Variants in TIA1 observed in about 807,000 individuals in gnomAD.
TIA1 encodes cytotoxic granule associated RNA binding protein TIA1.
TIA1 carries 23 observed loss-of-function variants against 65.9 expected under a neutral mutation model. That is an observed-to-expected ratio of 0.35 (90% CI 0.25 to 0.49). TIA1 has a LOEUF of 0.49. TIA1 is among the 20% of genes least tolerant of loss of function. The pLI, the probability that TIA1 is intolerant of heterozygous loss-of-function variation, is 0.98. For missense variants in TIA1, 371 were observed against 477.9 expected (o/e 0.78, Z 2.09); for synonymous variants, 147 against 149.4 (o/e 0.98, Z 0.12).
At chr2:70,212,953 T>G in intron 12 of TIA1, 108 bp from the exon 13 acceptor site, 1 of 730,328 alleles carries the variant, frequency 1.4e-6, no homozygotes, top group South Asian at 1.7e-5. Context: ...GGAAACATAC[T>G]TTTTCTTAAT....
At chr2:70,241,801 G>A (rs1691888196) in intron 1 of TIA1, among the ~76,000 whole-genome samples, 2 of 151,972 alleles carry the variant, frequency 1.3e-5, no homozygotes, top group African/African-American at 4.8e-5. Flanking sequence ...AAAATTAGCT[G>A]GGTGTGGTGG....
chr2:70,230,085 T>G (rs111327826), intron 3 of TIA1, among the ~76,000 whole-genome samples: 110 of 150,852 alleles, frequency 7.3e-4, no homozygotes, highest in African/African-American at 2.7e-3. Context: ...CTACTAAAAA[T>G]ACAAAAAATT....
intron 7 of TIA1, 57 bp downstream of exon 7, chr2:70,224,497 G>T (rs1180617715): frequency 6.2e-7 from 1 of 1,605,742 alleles, no homozygotes; most frequent in Middle Eastern, 1.7e-4. Context: ...AATTAAAACG[G>T]AGTGTTTCCA....
chr2:70,219,738 C>CT (rs1165514822), intron 7 of TIA1, among the ~76,000 whole-genome samples: 47,928 of 105,848 alleles, frequency 0.45, 12,830 homozygotes, highest in African/African-American at 0.74. Context: ...GGTCGCCAGG[C>CT]TTTTTTTTTT....
At chr2:70,248,789 C>T, upstream of TIA1, 1 of 375,320 alleles carries the variant, frequency 2.7e-6, no homozygotes. Context: ...CCTCAGACTG[C>T]GCAGGCGCAA....
At position 70,248,548 on chromosome 2, in the gene TIA1, C is replaced by G. The variant is rs141564047; in HGVS notation, c.-118G>C. The G allele has an allele frequency of 1.4e-6, 2 of 1,463,030 alleles. No homozygotes were observed. The highest frequency in any genetic ancestry group is 1.4e-5 in the African/African-American group (1 of 71,670). 90.6% of individuals were successfully genotyped at this position (1,463,030 alleles called of 1,614,324 possible). On this transcript the variant is annotated 5_prime_UTR_variant, in exon 1 of 13. Coordinates refer to ENST00000433529, the MANE Select transcript of TIA1 (RefSeq NM_022173.4). ...GGGTTTCTCGGCTGACCAGAGGTTA[C>G]TCCGCCTCCTCCTCCGGCGGCAATT...
At position 70,248,627 on chromosome 2, in the gene TIA1, G is replaced by A. The variant is rs1434643661; in HGVS notation, c.-197C>T. On this transcript the variant is annotated 5_prime_UTR_variant, in exon 1 of 13. Coordinates refer to ENST00000433529, the MANE Select transcript of TIA1 (RefSeq NM_022173.4). ...AATGAAACCCCAATACAAGATGGCG[G>A]CGAGCCGGGAGCCTAGGAGCAGCCA... 1.5e-5 allele frequency: 11 copies of A among 724,794 alleles called. No individual in the cohort carries two copies. The East Asian group carries it at 2.5e-4, about 17-fold the overall frequency. The allele number at this position is 724,794 out of a possible 1,614,324, so 44.9% of individuals were successfully genotyped here. A position where few individuals can be genotyped will look rare whatever the true frequency, so the allele number is the denominator to read the frequency against.
In TIA1 at chr2:70,222,527, G is replaced by A. The variant is rs1006527912; in HGVS notation, c.474+2027C>T. On this transcript the variant is annotated intron_variant, in intron 7 of 12. Transcript: ENST00000433529. The stretch of plus-strand genomic sequence containing the variant: ...GAGGCTGGGGGTAATTGCAATCAGG[G>A]CTGTAGCACTGCGTAACAGAGCCAA... Among the ~76,000 whole-genome samples, 4 of 152,134 alleles carry A rather than the reference G, an allele frequency of 2.6e-5. No homozygotes were observed. In the East Asian group the frequency reaches 7.7e-4, roughly 29 times the overall value.
chr2:70,234,626 A>G lies in TIA1; in HGVS notation c.123+1453T>C, dbSNP rs574907051. Among the ~76,000 whole-genome samples, 9 of 152,286 alleles carry G rather than the reference A, an allele frequency of 5.9e-5. No homozygotes were observed. In the South Asian group the frequency reaches 1.9e-3, roughly 32 times the overall value. On this transcript the variant is annotated intron_variant, in intron 2 of 12. Coordinates refer to ENST00000433529, the MANE Select transcript of TIA1 (RefSeq NM_022173.4). ...GCCCAGGCTGGAGTGCAATGGTGCA[A>G]TCTCGGCTCACTGCAACCTTCGCCT...
Position 70,248,535 on chromosome 2 carries a change from TGAC to T in TIA1, c.-108_-106del. Reference sequence around the variant, plus strand: ...CTACAGGATAGTGGGGTTTCTCGGCTGACCAGAGGTTACTCCGCCTCCTCCTCC... The same window carrying T: ...CTACAGGATAGTGGGGTTTCTCGGCTCAGAGGTTACTCCGCCTCCTCCTCC... On this transcript the variant is annotated 5_prime_UTR_variant, in exon 1 of 13. Coordinates refer to ENST00000433529, the MANE Select transcript of TIA1 (RefSeq NM_022173.4). 1 of 1,551,390 alleles carries T rather than the reference TGAC, an allele frequency of 6.4e-7. No individual in the cohort carries two copies. The highest frequency in any genetic ancestry group is 8.8e-7 in the Non-Finnish European group (1 of 1,142,172).
rs541213445 is a variant in TIA1, at chr2:70,224,945, T to C, written c.399-316A>G. ...CTCACATGAACTACTTAACCACTTA[T>C]AAAGTTCACAGGACATTAGATGAAT... On this transcript the variant is annotated intron_variant, in intron 6 of 12. Coordinates refer to ENST00000433529, the MANE Select transcript of TIA1 (RefSeq NM_022173.4). 2,713 of 1,082,308 alleles carry C rather than the reference T, an allele frequency of 2.5e-3. 7 individuals carry two copies. Among genetic ancestry groups the C allele is most frequent in the Middle Eastern group, 0.017 (40 of 2,322 alleles). 67.0% of individuals were successfully genotyped at this position (1,082,308 alleles called of 1,614,324 possible).
intron 7 of TIA1, among the ~76,000 whole-genome samples, chr2:70,222,557 G>T (rs183740179): frequency 6.6e-6 from 1 of 152,140 alleles, no homozygotes; most frequent in African/African-American, 2.4e-5. Context: ...AGCCAAGCAC[G>T]TATCACAAAT....
intron 7 of TIA1, among the ~76,000 whole-genome samples, chr2:70,224,100 T>C (rs1340945012): frequency 6.6e-6 from 1 of 151,888 alleles, no homozygotes; most frequent in Non-Finnish European, 1.5e-5. Context: ...GTATTTTTAG[T>C]AGAAACAGGG....
rs148809840 is a variant in TIA1 at position 70,246,058 on chromosome 2, G to C, written c.26+2347C>G. Among the ~76,000 whole-genome samples, 15 of 152,012 alleles carry C rather than the reference G, an allele frequency of 9.9e-5. No homozygotes were observed. In the East Asian group the frequency reaches 2.9e-3, roughly 29 times the overall value. Reference sequence around the variant, plus strand: ...CCTTCCTCAGCCTCCCGAGTAGCTGGGATTACAGGCATGCGCCACCATGCT... The same window carrying C: ...CCTTCCTCAGCCTCCCGAGTAGCTGCGATTACAGGCATGCGCCACCATGCT... On this transcript the variant is annotated intron_variant, in intron 1 of 12. Transcript: ENST00000433529.
chr2:70,246,497 A>C (rs1406116217), intron 1 of TIA1, among the ~76,000 whole-genome samples: 1 of 152,192 alleles, frequency 6.6e-6, no homozygotes, highest in Non-Finnish European at 1.5e-5. Flanking sequence ...ACAAGAGAAG[A>C]CTTTTACAGT....
chr2:70,246,227 T>C (rs919932205), intron 1 of TIA1, among the ~76,000 whole-genome samples: 5 of 152,132 alleles, frequency 3.3e-5, no homozygotes, highest in African/African-American at 1.2e-4. Context: ...CCCAGCCAAT[T>C]ATACCAGTTT....
rs764023417 is a variant in TIA1 at position 70,229,290 on chromosome 2, G to A, written c.251C>T (p.Pro84Leu). The A allele has an allele frequency of 6.2e-7, 1 of 1,613,382 alleles. No homozygotes were observed. The highest frequency in any genetic ancestry group is 8.5e-7 in the Non-Finnish European group (1 of 1,179,864). The stretch of plus-strand genomic sequence containing the variant: ...GCTTGTATCTTTCTTTTGACTGCTA[G>A]GGGTTGTTGCCCAATTCACTTTGAC... Reference protein sequence around the residue: ...KEVKVNWATTPSSQKKDTSSS... With the variant: ...KEVKVNWATTLSSQKKDTSSS... Residue 84 changes from proline to leucine, a missense_variant, in exon 4 of 13, where the codon CCT becomes CTT. Transcript: ENST00000433529.
Position 70,232,706 on chromosome 2 carries a change from T to C in TIA1, c.124-1852A>G, listed in dbSNP as rs188858841. Among the ~76,000 whole-genome samples, 52 of 150,678 alleles carry C rather than the reference T, an allele frequency of 3.5e-4. 1 individual carries two copies. In the East Asian group the frequency reaches 0.01, roughly 29 times the overall value. On this transcript the variant is annotated intron_variant, in intron 2 of 12. Coordinates refer to ENST00000433529, the MANE Select transcript of TIA1 (RefSeq NM_022173.4). ...CAAAATGGTGAAACCTCATCTCTAC[T>C]AAAAATACAAAAATCAGCTGGGTGT...
Position 70,212,660 on chromosome 2 carries a change from C to T in TIA1, c.*59G>A, listed in dbSNP as rs1449140426. 19 of 1,002,626 alleles carry T rather than the reference C, an allele frequency of 1.9e-5. 1 individual carries two copies. Among genetic ancestry groups the T allele is most frequent in the African/African-American group, 6.3e-5 (4 of 63,164 alleles). The allele number at this position is 1,002,626 out of a possible 1,614,324, so 62.1% of individuals were successfully genotyped here. A position where few individuals can be genotyped will look rare whatever the true frequency, so the allele number is the denominator to read the frequency against. On this transcript the variant is annotated 3_prime_UTR_variant, in exon 13 of 13. Coordinates refer to ENST00000433529, the MANE Select transcript of TIA1 (RefSeq NM_022173.4). Reference sequence around the variant, plus strand: ...ATTTGATAAATCTTTAAGTAAACAACGGCTTTACTACACTCCCTGTAGCCT... The same window carrying T: ...ATTTGATAAATCTTTAAGTAAACAATGGCTTTACTACACTCCCTGTAGCCT...
Sources: gnomAD v4.1 joint callset for allele counts (sites outside exome capture counted in the v4.1 genomes callset) on GRCh38, gnomAD v4.1.1 for gene constraint, MANE v1.5 for transcripts, NCBI Gene and HGNC (gene_info 2026-07-23, HGNC 2026-07-21) for gene names.